CRLF3: variants seen among roughly 807,000 people sequenced by gnomAD.
CRLF3 encodes cytokine receptor-like factor 3.
Under a neutral mutation model 55.0 loss-of-function variants are expected in CRLF3, and 33 were observed. The observed-to-expected ratio is 0.60, with a 90% CI of 0.46 to 0.80. The LOEUF is 0.80. Ranked by LOEUF, CRLF3 falls within the 30% of genes least tolerant of loss-of-function variation. The pLI is 0.00. For synonymous variants in CRLF3, 238 were observed against 196.8 expected (o/e 1.21, Z -1.75); for missense variants, 494 against 538.4 (o/e 0.92, Z 0.82).
At chr17:30,816,324 G>A (rs1285193539) in intron 1 of CRLF3, among the ~76,000 whole-genome samples, 6 of 151,126 alleles carry the variant, frequency 4.0e-5, no homozygotes, top group African/African-American at 1.5e-4. Flanking sequence ...ATTTATTGGT[G>A]AAAAGACTGA....
chr17:30,787,258 G>A (rs1061343), intron 6 of CRLF3, among the ~76,000 whole-genome samples: 19,329 of 152,120 alleles, frequency 0.13, 1,294 homozygotes, highest in South Asian at 0.25. Context: ...TGCTGCCAGC[G>A]CCTAAATCTT....
intron 2 of CRLF3, among the ~76,000 whole-genome samples, chr17:30,799,256 G>A (rs1272942261): frequency 6.6e-6 from 1 of 152,188 alleles, no homozygotes; most frequent in African/African-American, 2.4e-5. Context: ...CCAGGCAACA[G>A]TGCAACACGC....
At chr17:30,816,383 AG>A (rs1394731554) in intron 1 of CRLF3, among the ~76,000 whole-genome samples, 1 of 152,104 alleles carries the variant, frequency 6.6e-6, no homozygotes, top group Non-Finnish European at 1.5e-5. Flanking sequence ...AATACAGTCA[AG>A]CATCACATAA....
intron 4 of CRLF3, among the ~76,000 whole-genome samples, chr17:30,794,980 A>AGTT (rs1971888428): frequency 6.6e-6 from 1 of 152,204 alleles, no homozygotes; most frequent in South Asian, 2.1e-4. Context: ...CAATACTCTA[A>AGTT]GAAGACCTCA....
At chr17:30,815,554 T>G (rs1158937431) in intron 1 of CRLF3, among the ~76,000 whole-genome samples, 1 of 148,986 alleles carries the variant, frequency 6.7e-6, no homozygotes, top group Non-Finnish European at 1.5e-5. Context: ...TTTTTTTTTT[T>G]TTTTTTTGAG....
intron 1 of CRLF3, among the ~76,000 whole-genome samples, chr17:30,822,055 C>T (rs779430102): frequency 2.1e-5 from 3 of 143,382 alleles, no homozygotes; most frequent in Non-Finnish European, 4.5e-5. Flanking sequence ...CCTGTCCGCA[C>T]CCCCGCCAAA....
chr17:30,786,697 A>AATCT (rs113837731), intron 6 of CRLF3: 62,379 of 151,328 alleles, frequency 0.41, 15,466 homozygotes, highest in African/African-American at 0.71. Context: ...AGAATCAATC[A>AATCT]ATCTATCTAT....
At chr17:30,785,813 T>C in intron 7 of CRLF3, 106 bp downstream of exon 7, 3 of 577,300 alleles carry the variant, frequency 5.2e-6, no homozygotes, top group East Asian at 3.2e-5. Flanking sequence ...GAAAAATACC[T>C]AAATTTTCTC....
chr17:30,816,856 C>A (rs1203433870), intron 1 of CRLF3, among the ~76,000 whole-genome samples: 14 of 152,100 alleles, frequency 9.2e-5, no homozygotes, highest in African/African-American at 3.4e-4. Flanking sequence ...AGTATAGTAA[C>A]ATGCTGTACA....
chr17:30,791,211 C>T (rs1383673119), intron 6 of CRLF3, among the ~76,000 whole-genome samples: 2 of 151,944 alleles, frequency 1.3e-5, no homozygotes, highest in African/African-American at 2.4e-5. Flanking sequence ...GCTGGGATTA[C>T]AGGTGTGCAC....
rs1478955269 is a variant in CRLF3, at chr17:30,803,891, G to C, written c.337+10C>G. ...AATGCACTAATACAACAGGCTCCCT[G>C]GTCCCCCACCTTCTCGGACTAAGTC... On this transcript the variant is annotated intron_variant, in intron 2 of 7. Transcript: ENST00000324238. 7 of 1,600,124 alleles carry C rather than the reference G, an allele frequency of 4.4e-6. No individual in the cohort carries two copies. The South Asian group carries it at 6.6e-5, about 15-fold the overall frequency.
chr17:30,804,225 AAAG>A, intron 1 of CRLF3, 117 bp from the exon 2 acceptor site: 2 of 681,320 alleles, frequency 2.9e-6, no homozygotes, highest in Non-Finnish European at 5.0e-6. Context: ...TTAGTAAAAA[AAAG>A]ATTAACTGAA....
intron 1 of CRLF3, among the ~76,000 whole-genome samples, chr17:30,816,054 C>T (rs1597932308): frequency 6.7e-6 from 1 of 148,406 alleles, no homozygotes; most frequent in African/African-American, 2.5e-5. Context: ...GAGGCCAAGG[C>T]GGGCAGATCA....
In CRLF3 at chr17:30,798,206, T is replaced by C. The variant is rs534733677; in HGVS notation, c.338-808A>G. Among the ~76,000 whole-genome samples the C allele has an allele frequency of 8.6e-5, 13 of 151,888 alleles. 1 individual carries two copies. In the South Asian group the frequency reaches 2.1e-3, roughly 24 times the overall value. ...CATCCTGGCCAACATGGTGAAACCCTGTCTCTACTAAAAATACAAAAATTA... is the reference window on the plus strand; with the variant it reads ...CATCCTGGCCAACATGGTGAAACCCCGTCTCTACTAAAAATACAAAAATTA... On this transcript the variant is annotated intron_variant, in intron 2 of 7. Transcript: ENST00000324238.
At chr17:30,789,999 T>A (rs1464908996) in intron 6 of CRLF3, among the ~76,000 whole-genome samples, 3 of 152,084 alleles carry the variant, frequency 2.0e-5, no homozygotes, top group Non-Finnish European at 4.4e-5. Flanking sequence ...AGTTGTTTTT[T>A]TTTTTCCTCT....
At chr17:30,785,318 G>A (rs75672223) in intron 7 of CRLF3, among the ~76,000 whole-genome samples, 19,198 of 149,654 alleles carry the variant, frequency 0.13, 1,279 homozygotes, top group South Asian at 0.25. Context: ...CTCGTGATTT[G>A]CCCGCCTTGG....
chr17:30,819,973 G>A (rs1904939073), intron 1 of CRLF3, among the ~76,000 whole-genome samples: 2 of 152,092 alleles, frequency 1.3e-5, no homozygotes, highest in Non-Finnish European at 1.5e-5. Context: ...TTGAGTGAAT[G>A]AACAAATGAA....
At chr17:30,796,547 A>G (rs1971921471) in intron 3 of CRLF3, among the ~76,000 whole-genome samples, 1 of 152,214 alleles carries the variant, frequency 6.6e-6, no homozygotes, top group Admixed American at 6.5e-5. Flanking sequence ...ATAACTGTCC[A>G]GTTTAAGCCA....
chr17:30,812,169 T>C (rs1904649941), intron 1 of CRLF3, among the ~76,000 whole-genome samples: 1 of 151,968 alleles, frequency 6.6e-6, no homozygotes, highest in Non-Finnish European at 1.5e-5. Context: ...TCAACTGAAA[T>C]TGAAAACGCT....
Sources: gnomAD v4.1 joint callset for allele counts (sites outside exome capture counted in the v4.1 genomes callset) on GRCh38, gnomAD v4.1.1 for gene constraint, MANE v1.5 for transcripts, NCBI Gene and HGNC (gene_info 2026-07-23, HGNC 2026-07-21) for gene names.